The following MYCT1 variants were observed in gnomAD, a reference collection of about 807,000 sequenced individuals.
MYCT1 encodes the protein myc target protein 1.
MYCT1 carries 12 observed loss-of-function variants against 15.0 expected under a neutral mutation model. The observed-to-expected ratio is 0.80, with a 90% CI of 0.51 to 1.29. The LOEUF (loss-of-function observed/expected upper bound fraction) is 1.29. Ranked by LOEUF, MYCT1 falls within the 50% of genes most tolerant of loss-of-function variation. MYCT1 has a pLI of 0.00. For missense variants in MYCT1, 287 were observed against 279.1 expected, an observed-to-expected ratio of 1.03 and a Z score of -0.20; for synonymous variants, 104 against 102.7, an observed-to-expected ratio of 1.01 and a Z score of -0.07.
At chr6:152,744,606 C>T in the MYCT1 span, among the ~76,000 whole-genome samples, 1 of 152,124 alleles carries the variant, frequency 6.6e-6, no homozygotes, top group Non-Finnish European at 1.5e-5. Flanking sequence ...CCTGCAGAAA[C>T]TGAATCTTGC....
At chr6:152,737,162 A>C in the MYCT1 span, among the ~76,000 whole-genome samples, 1 of 152,120 alleles carries the variant, frequency 6.6e-6, no homozygotes, top group Admixed American at 6.6e-5. Flanking sequence ...ATACTAAGAT[A>C]AATTGCTTGC....
intron 1 of MYCT1, among the ~76,000 whole-genome samples, chr6:152,703,036 T>G (rs756068363): frequency 1.3e-3 from 195 of 152,188 alleles, no homozygotes; most frequent in Non-Finnish European, 1.2e-3. Context: ...CCTATAACTG[T>G]CCTTTCTCTG....
At chr6:152,704,614 T>C (rs2099721938) in intron 1 of MYCT1, among the ~76,000 whole-genome samples, 1 of 152,180 alleles carries the variant, frequency 6.6e-6, no homozygotes, top group South Asian at 2.1e-4. Flanking sequence ...ACATTCAAAA[T>C]ATCTTCTAGA....
the MYCT1 span, among the ~76,000 whole-genome samples, chr6:152,730,227 G>A: frequency 6.6e-6 from 1 of 152,048 alleles, no homozygotes; most frequent in African/African-American, 2.4e-5. Context: ...CTGTATGCTA[G>A]CATCTAATTA....
chr6:152,739,554 A>G, the MYCT1 span, among the ~76,000 whole-genome samples: 1 of 151,946 alleles, frequency 6.6e-6, no homozygotes, highest in Non-Finnish European at 1.5e-5. Flanking sequence ...GATCAGAGGT[A>G]ATGATTTATG....
chr6:152,725,078 G>T (rs921916946), downstream of MYCT1, among the ~76,000 whole-genome samples: 2 of 151,302 alleles, frequency 1.3e-5, no homozygotes, highest in South Asian at 4.2e-4. Context: ...GAGCCAAAGG[G>T]ATGAAATAAA....
At chr6:152,721,625 T>C (rs778661394) in intron 1 of MYCT1, 117 bp from the exon 2 acceptor site, 4 of 974,040 alleles carry the variant, frequency 4.1e-6, no homozygotes, top group Non-Finnish European at 6.0e-6. Context: ...TTTCCCTAAT[T>C]CAAAGTATGT....
At chr6:152,732,670 A>G in the MYCT1 span, among the ~76,000 whole-genome samples, 1 of 152,224 alleles carries the variant, frequency 6.6e-6, no homozygotes, top group Non-Finnish European at 1.5e-5. Flanking sequence ...ATTAGGATTT[A>G]TTATAAGTGT....
intron 1 of MYCT1, among the ~76,000 whole-genome samples, chr6:152,714,108 CTAA>C (rs1186983434): frequency 6.6e-6 from 1 of 151,946 alleles, no homozygotes; most frequent in Non-Finnish European, 1.5e-5. Flanking sequence ...TGTATCTGTT[CTAA>C]TGTCACATTT....
chr6:152,741,909 C>CT, the MYCT1 span, among the ~76,000 whole-genome samples: 1 of 152,066 alleles, frequency 6.6e-6, no homozygotes, highest in Non-Finnish European at 1.5e-5. Flanking sequence ...TGTACAAAGA[C>CT]TAAGTTTTAT....
At position 152,707,895 on chromosome 6, in the gene MYCT1, A is replaced by C. The variant is rs2099722580; in HGVS notation, c.196+9797A>C. Among the ~76,000 whole-genome samples the C allele has an allele frequency of 2.0e-5, 3 of 151,996 alleles. No homozygotes were observed. The South Asian group carries it at 6.2e-4, about 31-fold the overall frequency. ...ATGCCAGTACCTTGCTGTTTTGACT[A>C]TTATAGCTTTGTAGTATATTTTAAA... On this transcript the variant is annotated intron_variant, in intron 1 of 1. Coordinates refer to ENST00000367245, the MANE Select transcript of MYCT1 (RefSeq NM_025107.3).
the MYCT1 span, among the ~76,000 whole-genome samples, chr6:152,735,668 A>G: frequency 7.9e-5 from 12 of 152,314 alleles, no homozygotes; most frequent in Admixed American, 3.3e-4. Context: ...ACAGAAATTG[A>G]CAAGATAATT....
intron 1 of MYCT1, among the ~76,000 whole-genome samples, chr6:152,716,693 T>C (rs577822460): frequency 6.6e-6 from 1 of 152,174 alleles, no homozygotes; most frequent in South Asian, 2.1e-4. Context: ...AGAGCCAGTG[T>C]TCGTTGAGGG....
At position 152,723,731 on chromosome 6, in the gene MYCT1, A is replaced by G. The variant is rs1026181337; in HGVS notation, c.*1478A>G. On this transcript the variant is annotated 3_prime_UTR_variant, in exon 2 of 2. Transcript: ENST00000367245. ...GCATCCCTAAATGTGGCCACCAGAGAGTTCCAGTGGGCAGATGTCTGTGGC... is the reference window on the plus strand; with the variant it reads ...GCATCCCTAAATGTGGCCACCAGAGGGTTCCAGTGGGCAGATGTCTGTGGC... 3 of 152,236 alleles carry G rather than the reference A, an allele frequency of 2.0e-5. No individual in the cohort carries two copies. The highest frequency in any genetic ancestry group is 4.4e-5 in the Non-Finnish European group (3 of 68,060). The allele number at this position is 152,236 out of a possible 1,614,324, so 9.4% of individuals were successfully genotyped here.
At chr6:152,706,845 A>ATG (rs1019981760) in intron 1 of MYCT1, among the ~76,000 whole-genome samples, 2 of 119,964 alleles carry the variant, frequency 1.7e-5, no homozygotes, top group South Asian at 2.9e-4. Context: ...TAGAAACCAT[A>ATG]TATGTGTGTG....
At chr6:152,708,108 G>A (rs761511638) in intron 1 of MYCT1, among the ~76,000 whole-genome samples, 24 of 151,728 alleles carry the variant, frequency 1.6e-4, no homozygotes, top group Non-Finnish European at 3.1e-4. Flanking sequence ...ATTGAGGCTT[G>A]TAATTCACAA....
the MYCT1 span, among the ~76,000 whole-genome samples, chr6:152,740,870 T>C: frequency 6.6e-6 from 1 of 152,174 alleles, no homozygotes; most frequent in Non-Finnish European, 1.5e-5. Context: ...ATTGTAGAAA[T>C]ATGAAATTAA....
chr6:152,733,919 G>GA, the MYCT1 span, among the ~76,000 whole-genome samples: 1 of 151,932 alleles, frequency 6.6e-6, no homozygotes, highest in Admixed American at 6.6e-5. Flanking sequence ...TTTTATGGCA[G>GA]AAAAAATGTT....
intron 1 of MYCT1, 66 bp downstream of exon 1, chr6:152,698,164 T>C: frequency 2.2e-6 from 2 of 908,882 alleles, no homozygotes; most frequent in South Asian, 2.2e-5. Context: ...TGCGTGATTA[T>C]TAAAACAGTG....
Sources: allele counts gnomAD v4.1 joint callset (sites outside exome capture counted in the v4.1 genomes callset), GRCh38; gene constraint gnomAD v4.1.1; transcripts MANE v1.5; gene names NCBI Gene and HGNC (gene_info 2026-07-23, HGNC 2026-07-21).